CFAP61: variants seen among roughly 807,000 people sequenced by gnomAD.
CFAP61 encodes cilia- and flagella-associated protein 61.
A neutral mutation model predicts 135.6 loss-of-function variants in CFAP61; 107 were observed. That is an observed-to-expected ratio of 0.79 (90% CI 0.67 to 0.93). CFAP61 has a LOEUF of 0.93. Ranked by LOEUF, CFAP61 falls within the 40% of genes least tolerant of loss-of-function variation. The pLI is 0.00. For missense variants in CFAP61, 1,507 were observed against 1,556.2 expected (o/e 0.97, Z 0.53); for synonymous variants, 575 against 578.5 (o/e 0.99, Z 0.09).
intron 17 of CFAP61, chr20:20,200,932 T>A: frequency 1.0e-6 from 1 of 985,384 alleles, no homozygotes; most frequent in Non-Finnish European, 1.2e-6. Flanking sequence ...TCAGACCAAC[T>A]CAGAGGCAGC....
intron 13 of CFAP61, among the ~76,000 whole-genome samples, chr20:20,178,522 T>C (rs1405474357): frequency 6.6e-6 from 1 of 152,226 alleles, no homozygotes; most frequent in Admixed American, 6.5e-5. Flanking sequence ...ACATTTTAAA[T>C]GTGGGGAAAC....
At chr20:20,078,393 G>A (rs1390670864) in intron 6 of CFAP61, among the ~76,000 whole-genome samples, 2 of 152,182 alleles carry the variant, frequency 1.3e-5, no homozygotes, top group African/African-American at 4.8e-5. Context: ...AGTAGCGCTT[G>A]GCTACCAGTT....
intron 26 of CFAP61, among the ~76,000 whole-genome samples, chr20:20,351,341 G>C (rs2058825752): frequency 6.6e-6 from 1 of 152,164 alleles, no homozygotes; most frequent in African/African-American, 2.4e-5. Flanking sequence ...AGCACCTTGA[G>C]AGGCCAAGGC....
intron 11 of CFAP61, among the ~76,000 whole-genome samples, chr20:20,165,250 A>G (rs1275415843): frequency 6.6e-6 from 1 of 152,172 alleles, no homozygotes; most frequent in African/African-American, 2.4e-5. Flanking sequence ...CCAAAGTCTC[A>G]TGAGGCCTGA....
At chr20:20,318,797 G>A (rs568781448) in intron 25 of CFAP61, among the ~76,000 whole-genome samples, 23 of 152,316 alleles carry the variant, frequency 1.5e-4, no homozygotes, top group African/African-American at 5.3e-4. Flanking sequence ...GCTGCTTGGG[G>A]GTCAGGAGGG....
chr20:20,175,627 C>T (rs1028913493), intron 13 of CFAP61, among the ~76,000 whole-genome samples: 17 of 152,010 alleles, frequency 1.1e-4, no homozygotes, highest in East Asian at 1.9e-4. Context: ...CCAGGTTTCA[C>T]GCCATTCTCC....
At chr20:20,235,010 C>T (rs1279191464) in intron 18 of CFAP61, among the ~76,000 whole-genome samples, 5 of 152,076 alleles carry the variant, frequency 3.3e-5, no homozygotes, top group Non-Finnish European at 5.9e-5. Context: ...GTCTAGATCC[C>T]CATGGAAGCC....
At chr20:20,210,160 G>A (rs1448318705) in intron 17 of CFAP61, among the ~76,000 whole-genome samples, 4 of 152,180 alleles carry the variant, frequency 2.6e-5, no homozygotes, top group African/African-American at 7.2e-5. Flanking sequence ...AGTCTCCCTT[G>A]TGAGGCAGTC....
rs182933715 is a variant in CFAP61 at position 20,106,265 on chromosome 20, C to T, written c.859+7451C>T. ...CCAGAACTTGTTGTCAGGGACATGA[C>T]CCCAAAGCCATCTTGGTGAGCCTTT... On this transcript the variant is annotated intron_variant, in intron 8 of 26. Transcript: ENST00000245957. 8.7e-4 allele frequency among the ~76,000 whole-genome samples: 132 copies of T among 152,024 alleles called. 3 individuals are homozygous for T. The highest frequency in any genetic ancestry group is 3.0e-3 in the African/African-American group (126 of 41,494).
At chr20:20,082,959 G>A (rs2046532584) in intron 6 of CFAP61, among the ~76,000 whole-genome samples, 1 of 152,122 alleles carries the variant, frequency 6.6e-6, no homozygotes, top group African/African-American at 2.4e-5. Flanking sequence ...TAAAAGTAGA[G>A]CTACCACTCA....
At chr20:20,069,087 G>A (rs2045523506) in intron 2 of CFAP61, among the ~76,000 whole-genome samples, 1 of 152,026 alleles carries the variant, frequency 6.6e-6, no homozygotes, top group South Asian at 2.1e-4. Context: ...TCCATTTATG[G>A]TAGTGATGTA....
Position 20,072,091 on chromosome 20 carries a change from CTTTTTTTTTTTTTTTTTTTTTT to C in CFAP61, c.294+1107_294+1128del, listed in dbSNP as rs71198039. Among the ~76,000 whole-genome samples, 41 of 57,636 alleles carry C rather than the reference CTTTTTTTTTTTTTTTTTTTTTT, an allele frequency of 7.1e-4. No individual in the cohort carries two copies. In the South Asian group the frequency reaches 8.3e-3, roughly 12 times the overall value. 37.8% of individuals were successfully genotyped at this position (57,636 alleles called of 152,430 possible). On this transcript the variant is annotated intron_variant, in intron 3 of 26. Coordinates refer to ENST00000245957, the MANE Select transcript of CFAP61 (RefSeq NM_015585.4). ...CCTATTTGGTATCTAATCTAGCAAT[CTTTTTTTTTTTTTTTTTTTTTT>C]TTTTTTTTTTTTTTTTTTTGAGATG... is the stretch of plus-strand genomic sequence containing the variant.
chr20:20,128,197 A>G (rs1279306986), intron 8 of CFAP61, among the ~76,000 whole-genome samples: 1 of 151,732 alleles, frequency 6.6e-6, no homozygotes, highest in Non-Finnish European at 1.5e-5. Context: ...AGTTCTGGCC[A>G]GGAGGCTTCT....
rs536448963 is a variant in CFAP61, at chr20:20,103,618, C to G, written c.859+4804C>G. Among the ~76,000 whole-genome samples, 574 of 152,278 alleles carry G rather than the reference C, an allele frequency of 3.8e-3. 1 individual carries two copies. The highest frequency in any genetic ancestry group is 5.9e-3 in the Non-Finnish European group (399 of 68,028). On this transcript the variant is annotated intron_variant, in intron 8 of 26. Coordinates refer to ENST00000245957, the MANE Select transcript of CFAP61 (RefSeq NM_015585.4). ...AGATCCCCTTAAATGCTAAAAAAAA[C>G]TTATTGAATACATATCAAGATGTTC...
intron 25 of CFAP61, among the ~76,000 whole-genome samples, chr20:20,337,982 T>C (rs1027297078): frequency 6.6e-6 from 1 of 152,204 alleles, no homozygotes; most frequent in Non-Finnish European, 1.5e-5. Context: ...AAGAAAGGCC[T>C]GAAACCCAAA....
In CFAP61 at chr20:20,196,743, C is replaced by T. The variant is rs929812450; in HGVS notation, c.1764C>T (p.Tyr588=). ...ILRLGFKSCL[Y]YRVYPKSREG... is the part of the protein sequence containing the mutation. ...GTTTAGGCTTTAAATCCTGTCTCTA[C>T]TACCGTGTTTACCCAAAATCCAGAG... Residue 588 remains tyrosine (Y), a synonymous_variant, in exon 16 of 27, where the codon TAC becomes TAT. Coordinates refer to ENST00000245957, the MANE Select transcript of CFAP61 (RefSeq NM_015585.4). 6.2e-7 allele frequency: 1 copy of T among 1,614,114 alleles called. No individual in the cohort carries two copies. The highest frequency in any genetic ancestry group is 8.5e-7 in the Non-Finnish European group (1 of 1,180,044).
At chr20:20,314,220 C>A (rs918818250) in intron 25 of CFAP61, among the ~76,000 whole-genome samples, 498 of 94,830 alleles carry the variant, frequency 5.3e-3, no homozygotes, top group Non-Finnish European at 5.6e-3. Flanking sequence ...CCCATCTCTA[C>A]AAAAAAAAAA....
rs935414252 is a variant in CFAP61, at chr20:20,288,906, A to T, written c.3094A>T (p.Ile1032Phe). ...TEPPANLDRL[I>F]PMYKGAKIQG... ...GCCACCAGCTAATCTTGACCGGCTC[A>T]TCCCCATGTACAAGGGAGCCAAGAT... Residue 1032 changes from isoleucine to phenylalanine, a missense_variant, in exon 23 of 27, where the codon ATC (isoleucine) becomes TTC (phenylalanine). By Grantham distance (21) the Ile-to-Phe change is conservative (BLOSUM62 0). Transcript: ENST00000245957. The T allele has an allele frequency of 3.7e-6, 6 of 1,612,024 alleles. No homozygotes were observed. Among genetic ancestry groups the T allele is most frequent in the Non-Finnish European group, 5.1e-6 (6 of 1,178,176 alleles).
In CFAP61 at chr20:20,278,250, G is replaced by A. The variant is rs542540734; in HGVS notation, c.2796+792G>A. On this transcript the variant is annotated intron_variant, in intron 22 of 26. Transcript: ENST00000245957. The stretch of plus-strand genomic sequence containing the variant: ...CTGCTGGTTCCCTGCCCAGCCCAAG[G>A]TCTATGCTGCCATTAACCTCTTAAG... Among the ~76,000 whole-genome samples the A allele has an allele frequency of 9.2e-5, 14 of 152,282 alleles. No homozygotes were observed. In the East Asian group the frequency reaches 2.7e-3, roughly 29 times the overall value.
Sources: gnomAD v4.1 joint callset for allele counts (sites outside exome capture counted in the v4.1 genomes callset) on GRCh38, gnomAD v4.1.1 for gene constraint, MANE v1.5 for transcripts, NCBI Gene and HGNC (gene_info 2026-07-23, HGNC 2026-07-21) for gene names.